The following ZFYVE26 variants were observed in gnomAD, a reference collection of about 807,000 sequenced individuals.
ZFYVE26 encodes the protein zinc finger FYVE domain-containing protein 26.
ZFYVE26 carries 181 observed loss-of-function variants against 276.5 expected under a neutral mutation model. The observed-to-expected ratio is 0.65, with a 90% CI of 0.58 to 0.74. The LOEUF (loss-of-function observed/expected upper bound fraction) is 0.74, where lower values mean the gene tolerates loss of function less well. ZFYVE26 is among the 30% of genes least tolerant of loss of function. The probability of loss-of-function intolerance (pLI) is 0.00; values close to 1 mark genes in which losing one functional copy is unlikely to be tolerated. For synonymous variants in ZFYVE26, 1,129 were observed against 1,203.1 expected (o/e 0.94, Z 1.27); for missense variants, 2,821 against 3,097.9 (o/e 0.91, Z 2.12).
chr14:67,752,314 A>G, intron 40 of ZFYVE26, 30 bp downstream of exon 40: 1 of 1,595,572 alleles, frequency 6.3e-7, no homozygotes, highest in Non-Finnish European at 8.5e-7. Context: ...AAATTGATGG[A>G]GGAGCCAAGA....
At chr14:67,753,249 C>T (rs2038695851) in intron 39 of ZFYVE26, among the ~76,000 whole-genome samples, 2 of 152,168 alleles carry the variant, frequency 1.3e-5, no homozygotes, top group East Asian at 3.9e-4. Flanking sequence ...GTCTCAGTGC[C>T]CTGCTCCAGC....
intron 21 of ZFYVE26, 121 bp downstream of exon 21, chr14:67,782,659 T>A (rs899232613): frequency 1.3e-6 from 2 of 1,511,878 alleles, no homozygotes; most frequent in Non-Finnish European, 1.8e-6. Flanking sequence ...CTCCTCTTAA[T>A]AACATGAGAT....
intron 27 of ZFYVE26, among the ~76,000 whole-genome samples, chr14:67,773,774 A>G (rs1446033919): frequency 6.6e-6 from 1 of 152,226 alleles, no homozygotes; most frequent in Non-Finnish European, 1.5e-5. Flanking sequence ...TAGCAGAGCA[A>G]CACTGGCTGG....
Position 67,805,245 on chromosome 14 carries a change from C to A in ZFYVE26, c.1243G>T (p.Val415Phe). 1 of 1,614,112 alleles carries A rather than the reference C, an allele frequency of 6.2e-7. No homozygotes were observed. The highest frequency in any genetic ancestry group is 8.5e-7 in the Non-Finnish European group (1 of 1,180,014). The change falls in exon 8 of 42, where the codon GTC (valine) becomes TTC (phenylalanine). Residue 415 changes from valine (V) to phenylalanine (F), a missense_variant. Coordinates refer to ENST00000347230, the MANE Select transcript of ZFYVE26 (RefSeq NM_015346.4). ...CTCTGCTGTATGCACCACTCCAGGACCTCCAGGTGAGCCCACAACCCATCA... is the reference window on the plus strand; with the variant it reads ...CTCTGCTGTATGCACCACTCCAGGAACTCCAGGTGAGCCCACAACCCATCA... ...ACDGLWAHLE[V>F]LEWCIQQSSN... is the part of the protein sequence containing the mutation.
At chr14:67,776,857 C>G (rs900089328) in intron 25 of ZFYVE26, among the ~76,000 whole-genome samples, 6 of 152,200 alleles carry the variant, frequency 3.9e-5, no homozygotes, top group African/African-American at 1.4e-4. Flanking sequence ...ATATTTATGG[C>G]TCTCTTAGCA....
At chr14:67,757,666 CTTTCTTTCTTTCTT>C (rs1566865352) in intron 35 of ZFYVE26, among the ~76,000 whole-genome samples, 8 of 146,072 alleles carry the variant, frequency 5.5e-5, no homozygotes, top group Non-Finnish European at 8.9e-5. Flanking sequence ...TTCTTTCTTT[CTTTCTTTCTTTCTT>C]TCTCTCTCTC....
chr14:67,760,334 G>A lies in ZFYVE26; in HGVS notation c.6588+1032C>T, dbSNP rs940372700. On this transcript the variant is annotated intron_variant, in intron 35 of 41. Transcript: ENST00000347230. ...TAAGAATAGTCAGTAGCTAAGCACT[G>A]GTAAAAACACCCCCCTTCAGTGTCC... is the stretch of plus-strand genomic sequence containing the variant. Among the ~76,000 whole-genome samples the A allele has an allele frequency of 2.6e-5, 4 of 152,222 alleles. No homozygotes were observed. The South Asian group carries it at 8.3e-4, about 32-fold the overall frequency.
At position 67,798,235 on chromosome 14, in the gene ZFYVE26, C is replaced by T. The variant is rs139868153; in HGVS notation, c.2027G>A (p.Ser676Asn). 5.0e-6 allele frequency: 8 copies of T among 1,614,096 alleles called. No individual in the cohort carries two copies. In the African/African-American group the frequency reaches 6.7e-5, roughly 13 times the overall value. The change falls in exon 11 of 42, where the codon AGT (serine) becomes AAT (asparagine). Residue 676 changes from serine to asparagine, a missense_variant. Coordinates refer to ENST00000347230, the MANE Select transcript of ZFYVE26 (RefSeq NM_015346.4). ...LDLKHFTSGI[S>N]GFLADEFAIG... ...TGCAAATTCATCAGCCAGAAATCCA[C>T]TGATACCACTAGTAAAGTGTTTTAA...
rs2039595690 is a variant in ZFYVE26, at chr14:67,784,434, G to A, written c.3526C>T (p.His1176Tyr). ...GGATTTCCTACCTTGACCTCCACATGATCTGCAAAGGTAAAGAACATGATC... is the reference window on the plus strand; with the variant it reads ...GGATTTCCTACCTTGACCTCCACATAATCTGCAAAGGTAAAGAACATGATC... ...LLQSLSSEPD[H>Y]VEVKVGNPFV... Residue 1176 changes from histidine (H) to tyrosine (Y), a missense_variant and splice_region_variant, in exon 20 of 42, where the codon CAT becomes TAT. By Grantham distance (83) the His-to-Tyr change is moderately conservative (BLOSUM62 2). Transcript: ENST00000347230. 1.2e-6 allele frequency: 2 copies of A among 1,613,732 alleles called. No homozygotes were observed. Among genetic ancestry groups the A allele is most frequent in the African/African-American group, 2.7e-5 (2 of 75,042 alleles).
Position 67,772,067 on chromosome 14 carries a change from A to G in ZFYVE26, c.5464T>C (p.Cys1822Arg). 6.2e-7 allele frequency: 1 copy of G among 1,611,708 alleles called. No homozygotes were observed. The highest frequency in any genetic ancestry group is 8.5e-7 in the Non-Finnish European group (1 of 1,179,562). Residue 1822 changes from cysteine to arginine, a missense_variant, in exon 28 of 42, where the codon TGC becomes CGC. By Grantham distance (180) the Cys-to-Arg change is radical. Coordinates refer to ENST00000347230, the MANE Select transcript of ZFYVE26 (RefSeq NM_015346.4). ...CTTACCATGGTGAAGTGCTCCCTGC[A>G]GCAGACCATGCAGATACTCTCAGTC... ...DETESICMVC[C>R]REHFTMFNRR...
intron 4 of ZFYVE26, among the ~76,000 whole-genome samples, chr14:67,808,626 A>G (rs1052609012): frequency 3.3e-5 from 5 of 152,144 alleles, no homozygotes; most frequent in South Asian, 4.2e-4. Flanking sequence ...ATGGTACTCG[A>G]TGATGCCACT....
At chr14:67,789,848 GA>G (rs1354861085) in intron 15 of ZFYVE26, among the ~76,000 whole-genome samples, 1 of 152,210 alleles carries the variant, frequency 6.6e-6, no homozygotes, top group East Asian at 1.9e-4. Context: ...AGTAGGTTCA[GA>G]AAGAATGACG....
rs1039737445 is a variant in ZFYVE26 at position 67,806,797 on chromosome 14, A to G, written c.887-122T>C. 6.7e-6 allele frequency: 8 copies of G among 1,189,626 alleles called. No homozygotes were observed. The Admixed American group carries it at 7.9e-5, about 12-fold the overall frequency. The allele number at this position is 1,189,626 out of a possible 1,614,324, so 73.7% of individuals were successfully genotyped here. The stretch of plus-strand genomic sequence containing the variant: ...TTTAAAAACTTAGGCTGGGTTTTCC[A>G]TACTTTATCTTAGGGTATCTTAAAG... On this transcript the variant is annotated intron_variant, in intron 5 of 41. Coordinates refer to ENST00000347230, the MANE Select transcript of ZFYVE26 (RefSeq NM_015346.4).
At chr14:67,736,425 G>A (rs1164594617) in intron 13 of ZFYVE26, among the ~76,000 whole-genome samples, 1 of 152,202 alleles carries the variant, frequency 6.6e-6, no homozygotes, top group Admixed American at 6.5e-5. Context: ...AATGTCATAA[G>A]TGGTGCTGGA....
At chr14:67,730,349 G>T (rs899915316) in intron 13 of ZFYVE26, among the ~76,000 whole-genome samples, 1 of 152,172 alleles carries the variant, frequency 6.6e-6, no homozygotes, top group African/African-American at 2.4e-5. Context: ...GGCTAGTCCA[G>T]ATTGAGATGC....
At position 67,807,691 on chromosome 14, in the gene ZFYVE26, C is replaced by G; in HGVS notation, c.593G>C (p.Arg198Pro). ...GCCCTGCAAAGCCCGCAATGCCTTT[C>G]GAATGAGGTCCACCAGTGCATTCTG... ...PLQNALVDLIRKALRALQGPD... is the reference protein window; with the variant it reads ...PLQNALVDLIPKALRALQGPD... Residue 198 changes from arginine to proline, a missense_variant, in exon 5 of 42, where the codon CGA becomes CCA. Coordinates refer to ENST00000347230, the MANE Select transcript of ZFYVE26 (RefSeq NM_015346.4). 6.2e-7 allele frequency: 1 copy of G among 1,614,172 alleles called. No individual in the cohort carries two copies.
chr14:67,769,323 T>C (rs1294445604), intron 29 of ZFYVE26, among the ~76,000 whole-genome samples: 1 of 152,202 alleles, frequency 6.6e-6, no homozygotes, highest in African/African-American at 2.4e-5. Flanking sequence ...GGCCTCTGTC[T>C]GGGGAAGGGC....
chr14:67,789,362 G>A lies in ZFYVE26; in HGVS notation c.2992C>T (p.Arg998Cys), dbSNP rs753920215. Residue 998 changes from arginine to cysteine, a missense_variant, in exon 16 of 42, where the codon CGT becomes TGT. By Grantham distance (180) the Arg-to-Cys change is radical (BLOSUM62 -3). Coordinates refer to ENST00000347230, the MANE Select transcript of ZFYVE26 (RefSeq NM_015346.4). ...CGCCTTTCAAGGCTACTATTCAAAC[G>A]CCGTTCGGCTGTCTCCAAAAGCTGC... Reference protein sequence around the residue: ...CKQLLETAERRLNSSLERRGR... With the variant: ...CKQLLETAERCLNSSLERRGR... 16 of 1,614,164 alleles carry A rather than the reference G, an allele frequency of 9.9e-6. No individual in the cohort carries two copies. The South Asian group carries it at 1.4e-4, about 14-fold the overall frequency.
In ZFYVE26 at chr14:67,781,463, T is replaced by G; in HGVS notation, c.4439A>C (p.Gln1480Pro). 2 of 1,614,158 alleles carry G rather than the reference T, an allele frequency of 1.2e-6. No individual in the cohort carries two copies. The highest frequency in any genetic ancestry group is 1.7e-6 in the Non-Finnish European group (2 of 1,180,018). Residue 1480 changes from glutamine to proline, a missense_variant, in exon 22 of 42, where the codon CAG becomes CCG. By Grantham distance (76) the Gln-to-Pro change is moderately conservative (BLOSUM62 -1). Transcript: ENST00000347230. ...DASLRSRLAL[Q>P]FVDRWPLESC... ...CTCCAGGGGCCACCTGTCCACAAAC[T>G]GTAGGGCCAGCCGACTTCTCAGAGA... is the stretch of plus-strand genomic sequence containing the variant.
Sources: allele counts gnomAD v4.1 joint callset (sites outside exome capture counted in the v4.1 genomes callset), GRCh38; gene constraint gnomAD v4.1.1; transcripts MANE v1.5; gene names NCBI Gene and HGNC (gene_info 2026-07-23, HGNC 2026-07-21).